PIGN: variants seen among roughly 807,000 people sequenced by gnomAD.
PIGN encodes phosphatidylinositol glycan anchor biosynthesis class N.
PIGN carries 117 observed loss-of-function variants against 125.4 expected under a neutral mutation model. The observed-to-expected ratio is 0.93, with a 90% CI of 0.80 to 1.09. The LOEUF (loss-of-function observed/expected upper bound fraction) is 1.09, where lower values mean the gene tolerates loss of function less well. Ranked by LOEUF, PIGN falls within the 50% of genes least tolerant of loss-of-function variation. PIGN has a pLI of 0.00. For missense variants in PIGN, 1,075 were observed against 1,094.9 expected (o/e 0.98, Z 0.26); for synonymous variants, 392 against 377.8 (o/e 1.04, Z -0.44).
chr18:62,152,141 G>T (rs964450867), intron 7 of PIGN, among the ~76,000 whole-genome samples: 1 of 152,066 alleles, frequency 6.6e-6, no homozygotes, highest in Non-Finnish European at 1.5e-5. Context: ...AAAATTTTCC[G>T]GTTGGCAATT....
rs769624052 is a variant in PIGN at position 62,072,728 on chromosome 18, G to A, written c.2620-3C>T. The A allele has an allele frequency of 7.1e-7, 1 of 1,401,892 alleles. No homozygotes were observed. The highest frequency in any genetic ancestry group is 9.5e-7 in the Non-Finnish European group (1 of 1,057,192). 86.8% of individuals were successfully genotyped at this position (1,401,892 alleles called of 1,614,324 possible). On this transcript the variant is annotated splice_region_variant and splice_polypyrimidine_tract_variant and intron_variant, in intron 29 of 30. Transcript: ENST00000640252. ...TCCTTGACCAAGAAGAAAAAATGCT[G>A]TAAAAAAAAAAAAAGGCTTAATGAA...
intron 5 of PIGN, among the ~76,000 whole-genome samples, 166 bp downstream of exon 5, chr18:62,157,521 A>G (rs2036783111): frequency 6.6e-6 from 1 of 152,238 alleles, no homozygotes; most frequent in Non-Finnish European, 1.5e-5. Flanking sequence ...TAAAGTTTCA[A>G]TTCTGGAGTC....
chr18:62,049,273 G>A (rs1316709194), intron 30 of PIGN, among the ~76,000 whole-genome samples: 3 of 152,116 alleles, frequency 2.0e-5, no homozygotes, highest in South Asian at 2.1e-4. Flanking sequence ...CTGAGGAATC[G>A]CCACACTGAC....
chr18:62,082,722 T>A lies in PIGN; in HGVS notation c.2527A>T (p.Met843Leu), dbSNP rs1389806680. The A allele has an allele frequency of 6.4e-6, 10 of 1,551,108 alleles. No individual in the cohort carries two copies. Among genetic ancestry groups the A allele is most frequent in the Non-Finnish European group, 8.8e-6 (10 of 1,141,406 alleles). Residue 843 changes from methionine (M) to leucine (L), a missense_variant, in exon 28 of 31, where the codon ATG becomes TTG. Transcript: ENST00000640252. ...AACTGAACTGCTTCAAAAGCACACA[T>A]AACAAGAACAAAGGGGATTAAAATC... ...WKILIPFVLV[M>L]CAFEAVQLTT...
At chr18:62,047,939 T>C (rs943660443) in intron 30 of PIGN, among the ~76,000 whole-genome samples, 1 of 152,096 alleles carries the variant, frequency 6.6e-6, no homozygotes, top group Non-Finnish European at 1.5e-5. Context: ...ATTATGTACA[T>C]ACTAGAAACA....
chr18:62,059,509 T>C (rs548435370), intron 30 of PIGN, among the ~76,000 whole-genome samples: 1 of 152,120 alleles, frequency 6.6e-6, no homozygotes, highest in African/African-American at 2.4e-5. Flanking sequence ...TATAGATGAA[T>C]GCCAAAAAAA....
At chr18:62,092,389 G>T (rs1285051958) in intron 23 of PIGN, among the ~76,000 whole-genome samples, 1 of 151,924 alleles carries the variant, frequency 6.6e-6, no homozygotes, top group Non-Finnish European at 1.5e-5. Context: ...GTTAAAAAAA[G>T]AAAGTTCACA....
At chr18:62,117,720 T>A (rs918306178) in intron 14 of PIGN, among the ~76,000 whole-genome samples, 1 of 152,162 alleles carries the variant, frequency 6.6e-6, no homozygotes, top group Admixed American at 6.5e-5. Flanking sequence ...TATACATATG[T>A]ATTCTTGTCT....
At chr18:62,084,446 C>A (rs2033591735) in intron 27 of PIGN, 85 bp downstream of exon 27, 2 of 820,742 alleles carry the variant, frequency 2.4e-6, no homozygotes, top group South Asian at 3.6e-5. Context: ...TATCTTCTTT[C>A]CATTGCTACT....
intron 1 of PIGN, among the ~76,000 whole-genome samples, chr18:62,171,627 A>G (rs1443627724): frequency 6.6e-6 from 1 of 152,162 alleles, no homozygotes; most frequent in African/African-American, 2.4e-5. Context: ...TACTCCTAAT[A>G]TGCTGACAGC....
Position 62,101,152 on chromosome 18 carries a change from A to G in PIGN, c.2000T>C (p.Val667Ala), listed in dbSNP as rs747013434. 2 of 1,608,350 alleles carry G rather than the reference A, an allele frequency of 1.2e-6. No individual in the cohort carries two copies. The highest frequency in any genetic ancestry group is 2.7e-5 in the African/African-American group (2 of 74,872). ...VLSTVLSMYV[V>A]YSTQSSLLRK... ...GAGTAGACTACTCTGAGTGCTATAC[A>G]CAACATACATGGAGAGCACTGTGCT... Residue 667 changes from valine (V) to alanine (A), a missense_variant, in exon 22 of 31, where the codon GTG (valine) becomes GCG (alanine). Around this residue, in one of 3 missense-constraint regions of PIGN, gnomAD observed 915 missense variants for 908.7 expected, o/e 1.01. Coordinates refer to ENST00000640252, the MANE Select transcript of PIGN (RefSeq NM_176787.5).
chr18:62,093,999 TA>T (rs2034075389), intron 23 of PIGN, among the ~76,000 whole-genome samples: 1 of 152,144 alleles, frequency 6.6e-6, no homozygotes, highest in Non-Finnish European at 1.5e-5. Context: ...CAAGGTTATA[TA>T]GTGCCTTATT....
Position 62,161,173 on chromosome 18 carries a change from C to A in PIGN, c.181G>T (p.Glu61Ter), listed in dbSNP as rs200199765. 1.8e-5 allele frequency: 29 copies of A among 1,613,408 alleles called. No homozygotes were observed. Among genetic ancestry groups the A allele is most frequent in the Non-Finnish European group, 2.4e-5 (28 of 1,179,570 alleles). ...CTAGAGTTTCCATTTTCATCTAATT[C>A]GTAAAGTGCATCTGCTCGAAGGCCA... ...ADGLRADALYELDENGNSRAP... is the reference protein window; with the variant it reads ...ADGLRADALY Residue 61 changes from glutamate to a stop codon, truncating the protein, a stop_gained, in exon 4 of 31, where the codon GAA becomes TAA. Transcript: ENST00000640252. LOFTEE classifies it high-confidence loss of function.
intron 14 of PIGN, chr18:62,137,792 C>G (rs1053586876): frequency 6.5e-6 from 1 of 154,778 alleles, no homozygotes; most frequent in Non-Finnish European, 1.4e-5. Flanking sequence ...CTTCTGAGAC[C>G]CAAGCCCCTC....
At chr18:62,154,282 G>A (rs2036640488) in intron 7 of PIGN, 2 of 470,882 alleles carry the variant, frequency 4.2e-6, no homozygotes, top group Non-Finnish European at 7.3e-6. Flanking sequence ...ATTTACCCAG[G>A]ATGAATCACA....
intron 30 of PIGN, chr18:62,069,911 T>C (rs1479130704): frequency 6.6e-6 from 1 of 152,330 alleles, no homozygotes; most frequent in Non-Finnish European, 1.5e-5. Flanking sequence ...AACAAAATAC[T>C]GTATTTTACC....
Position 62,142,062 on chromosome 18 carries a change from T to G in PIGN, c.963+1244A>C, listed in dbSNP as rs902885808. The stretch of plus-strand genomic sequence containing the variant: ...TACATCCACTCTACAGTCTCACAGC[T>G]GCACAAATCTCTGTTGCAGTACTTA... On this transcript the variant is annotated intron_variant, in intron 11 of 30. Transcript: ENST00000640252. Among the ~76,000 whole-genome samples the G allele has an allele frequency of 1.3e-5, 2 of 152,228 alleles. 1 individual carries two copies. The highest frequency in any genetic ancestry group is 4.1e-4 in the South Asian group (2 of 4,836).
At chr18:62,160,289 T>C (rs1033587499) in intron 4 of PIGN, among the ~76,000 whole-genome samples, 2 of 152,172 alleles carry the variant, frequency 1.3e-5, no homozygotes, top group Admixed American at 6.5e-5. Context: ...AAAGAGCAAT[T>C]GTTTGTAGGC....
At chr18:62,032,165 C>T (rs2030201998) in intron 23 of PIGN, among the ~76,000 whole-genome samples, 1 of 152,196 alleles carries the variant, frequency 6.6e-6, no homozygotes, top group Admixed American at 6.5e-5. Context: ...TCTGCAGCGA[C>T]TCCTTTTTTC....
Sources: gnomAD v4.1 joint callset for allele counts (sites outside exome capture counted in the v4.1 genomes callset) on GRCh38, gnomAD v4.1.1 for gene constraint, gnomAD v4.1.1 regional missense constraint, MANE v1.5 for transcripts, NCBI Gene and HGNC (gene_info 2026-07-23, HGNC 2026-07-21) for gene names.